Variants in SFXN3 observed in about 807,000 individuals in gnomAD.
The protein encoded by SFXN3 is sideroflexin 3, also known as sideroflexin-3.
In SFXN3, 31 loss-of-function variants were observed where a neutral mutation model predicts 40.4. The ratio of observed to expected loss-of-function variants is 0.77; its 90% confidence interval spans 0.58 to 1.04. SFXN3 has a LOEUF of 1.04. Among genes scored for constraint, SFXN3 ranks in the 50% least tolerant of loss-of-function variants. The pLI, the probability that SFXN3 is intolerant of heterozygous loss-of-function variation, is 0.00. For synonymous variants in SFXN3, 157 were observed against 160.0 expected, an observed-to-expected ratio of 0.98 and a Z score of 0.14; for missense variants, 366 against 408.2, an observed-to-expected ratio of 0.90 and a Z score of 0.89.
In SFXN3 at chr10:101,036,362, G is replaced by A. The variant is rs749636503; in HGVS notation, c.432-124G>A. Reference sequence around the variant, plus strand: ...AGTTTACGCCGGAGATGGAGGGAAGGCTTCTTCTGCAAGGAGCTTCCCCTT... The same window carrying A: ...AGTTTACGCCGGAGATGGAGGGAAGACTTCTTCTGCAAGGAGCTTCCCCTT... On this transcript the variant is annotated intron_variant, in intron 5 of 11. Coordinates refer to ENST00000393459, the Ensembl canonical transcript of SFXN3. This position sits in a 1 kb window ranked among gnomAD's most constrained non-coding sequence, Gnocchi z 4.2. 1 of 945,782 alleles carries A rather than the reference G, an allele frequency of 1.1e-6. No homozygotes were observed. The highest frequency in any genetic ancestry group is 1.6e-6 in the Non-Finnish European group (1 of 614,090). 58.6% of individuals were successfully genotyped at this position (945,782 alleles called of 1,614,324 possible). A position where few individuals can be genotyped will look rare whatever the true frequency, so the allele number is the denominator to read the frequency against.
exon 2 of SFXN3, chr10:101,032,409 C>T: frequency 4.2e-6 from 6 of 1,432,030 alleles, no homozygotes; most frequent in Non-Finnish European, 4.7e-6. Flanking sequence ...CGCGTGATGG[C>T]TGGGAGGGCC....
exon 2 of SFXN3, chr10:101,032,327 C>A: frequency 2.1e-6 from 2 of 932,786 alleles, no homozygotes; most frequent in Non-Finnish European, 1.5e-6. Flanking sequence ...CTGCCAATCC[C>A]CGTGCCCACC....
chr10:101,032,484 T>TA lies in SFXN3; in HGVS notation c.-4+4dup. On this transcript the variant is annotated splice_region_variant and intron_variant, in intron 2 of 11. Transcript: ENST00000393459. ...GAGCTTCAGAGAGCGATGGAAAGCG[T>TA]AAGTGCTCGCTCTCCCCGGCGGGCG... is the stretch of plus-strand genomic sequence containing the variant. 1 of 1,544,688 alleles carries TA rather than the reference T, an allele frequency of 6.5e-7. No individual in the cohort carries two copies. The highest frequency in any genetic ancestry group is 8.7e-7 in the Non-Finnish European group (1 of 1,145,790).
chr10:101,033,862 A>G, intron 2 of SFXN3, among the ~76,000 whole-genome samples: 1 of 152,110 alleles, frequency 6.6e-6, no homozygotes, highest in Non-Finnish European at 1.5e-5. Flanking sequence ...TGTGCATGTA[A>G]GCCAGATTTA....
chr10:101,031,709 C>T (rs375940058), intron 1 of SFXN3, among the ~76,000 whole-genome samples, 175 bp downstream of exon 1: 3 of 152,088 alleles, frequency 2.0e-5, no homozygotes, highest in African/African-American at 4.8e-5. Context: ...GGATGCAGAC[C>T]GCGAGGTTCC....
At chr10:101,032,627 G>A (rs1312649366) in intron 2 of SFXN3, 145 bp downstream of exon 2, 7 of 955,312 alleles carry the variant, frequency 7.3e-6, no homozygotes, top group South Asian at 2.1e-5. Flanking sequence ...AGGTTGGGGG[G>A]AGGAATGTCA....
At chr10:101,037,309 G>T in intron 8 of SFXN3, 73 bp from the exon 9 acceptor site, 1 of 1,613,928 alleles carries the variant, frequency 6.2e-7, no homozygotes, top group Non-Finnish European at 8.5e-7. Flanking sequence ...GCTTTGAGGG[G>T]GGTCACCCTT....
intron 4 of SFXN3, 123 bp from the exon 5 acceptor site, chr10:101,035,880 G>C: frequency 1.8e-6 from 2 of 1,138,940 alleles, no homozygotes; most frequent in South Asian, 2.6e-5. Context: ...TACCAGAACA[G>C]GTTCTAGGGC....
At chr10:101,031,310 C>G (rs1199326672) in exon 1 of SFXN3, 1 of 152,330 alleles carries the variant, frequency 6.6e-6, no homozygotes, top group Admixed American at 6.5e-5. Flanking sequence ...TTACCCACCC[C>G]AGTTCTGGTT....
chr10:101,032,788 G>A (rs907205449), intron 2 of SFXN3, among the ~76,000 whole-genome samples: 1 of 152,204 alleles, frequency 6.6e-6, no homozygotes, highest in Admixed American at 6.5e-5. Context: ...TTGTGTGTGG[G>A]TATGTGAGTG....
intron 2 of SFXN3, among the ~76,000 whole-genome samples, chr10:101,034,033 A>G (rs1482068239): frequency 6.6e-5 from 10 of 151,616 alleles, no homozygotes; most frequent in Non-Finnish European, 1.3e-4. Flanking sequence ...CCCAGGGGCA[A>G]GCAGGAGACA....
At chr10:101,037,769 G>A (rs1938693584) in intron 9 of SFXN3, 2 of 1,235,666 alleles carry the variant, frequency 1.6e-6, no homozygotes, top group Non-Finnish European at 2.0e-6. Context: ...GGTACACACG[G>A]GTGAACACGC....
At position 101,036,042 on chromosome 10, in the gene SFXN3, G is replaced by A; in HGVS notation, c.372G>A (p.Gln124=). Residue 124 remains glutamine (Q), a synonymous_variant, in exon 5 of 12, where the codon CAG becomes CAA. Coordinates refer to ENST00000393459, the Ensembl canonical transcript of SFXN3. This position sits in a 1 kb window ranked among gnomAD's most constrained non-coding sequence, Gnocchi z 4.2. ...TGGTGTTCTGGCAGTGGGTGAATCA[G>A]TCCTTCAATGCCATTGTTAACTACT... 1 of 1,614,106 alleles carries A rather than the reference G, an allele frequency of 6.2e-7. No homozygotes were observed. Among genetic ancestry groups the A allele is most frequent in the South Asian group, 1.1e-5 (1 of 91,074 alleles).
At position 101,032,407 on chromosome 10, in the gene SFXN3, G is replaced by A; in HGVS notation, c.-79G>A. 1.4e-6 allele frequency: 2 copies of A among 1,475,170 alleles called. No individual in the cohort carries two copies. The highest frequency in any genetic ancestry group is 1.3e-5 in the South Asian group (1 of 76,510). The allele number at this position is 1,475,170 out of a possible 1,614,324, so 91.4% of individuals were successfully genotyped here. A position where few individuals can be genotyped will look rare whatever the true frequency, so the allele number is the denominator to read the frequency against. ...CGTCACGCGTGACGTCCCGCGTGAT[G>A]GCTGGGAGGGCCCGGCGGCGACAGC... On this transcript the variant is annotated 5_prime_UTR_variant, in exon 2 of 12. The change abolishes an upstream ATG in the 5' untranslated region. Coordinates refer to ENST00000393459, the Ensembl canonical transcript of SFXN3.
At position 101,037,060 on chromosome 10, in the gene SFXN3, C is replaced by T; in HGVS notation, c.594-16C>T. ...TCCGGGGCCTGTGATCTGACCCCAA[C>T]CCCCCTCCCTTGCAGAGAGCTGCAG... is the stretch of plus-strand genomic sequence containing the variant. On this transcript the variant is annotated splice_polypyrimidine_tract_variant and intron_variant, in intron 7 of 11. Transcript: ENST00000393459. 6.2e-7 allele frequency: 1 copy of T among 1,612,940 alleles called. No individual in the cohort carries two copies.
chr10:101,037,226 G>A, intron 8 of SFXN3, 23 bp downstream of exon 8: 1 of 1,613,504 alleles, frequency 6.2e-7, no homozygotes, highest in Non-Finnish European at 8.5e-7. Flanking sequence ...TGGCTGGGTG[G>A]GGCATAGGAG....
chr10:101,035,854 G>A, intron 4 of SFXN3, 149 bp from the exon 5 acceptor site: 2 of 1,094,634 alleles, frequency 1.8e-6, no homozygotes, highest in Non-Finnish European at 2.7e-6. Context: ...AAATGGGGGT[G>A]GGGGTACATA....
In SFXN3 at chr10:101,036,190, C is replaced by A; in HGVS notation, c.431+89C>A. On this transcript the variant is annotated intron_variant, in intron 5 of 11. Transcript: ENST00000393459. The surrounding 1 kb of genome is among the most constrained non-coding windows in gnomAD (Gnocchi z 4.2). ...TGCCCTCTCCTTTCTCTCCGGTTCCCTGTGGACCATGCAGCCAGTGCTCAG... is the reference window on the plus strand; with the variant it reads ...TGCCCTCTCCTTTCTCTCCGGTTCCATGTGGACCATGCAGCCAGTGCTCAG... 1 of 1,153,050 alleles carries A rather than the reference C, an allele frequency of 8.7e-7. No individual in the cohort carries two copies. Among genetic ancestry groups the A allele is most frequent in the East Asian group, 2.4e-5 (1 of 42,062 alleles). The allele number at this position is 1,153,050 out of a possible 1,614,324, so 71.4% of individuals were successfully genotyped here. A position where few individuals can be genotyped will look rare whatever the true frequency, so the allele number is the denominator to read the frequency against.
chr10:101,039,939 TGCCA>T lies in SFXN3; in HGVS notation c.*360_*363del. 3.9e-6 allele frequency: 1 copy of T among 253,440 alleles called. No individual in the cohort carries two copies. The highest frequency in any genetic ancestry group is 7.8e-6 in the Non-Finnish European group (1 of 128,470). 15.7% of individuals were successfully genotyped at this position (253,440 alleles called of 1,614,324 possible). A position where few individuals can be genotyped will look rare whatever the true frequency, so the allele number is the denominator to read the frequency against. ...CTTCTCAGCCTCATGTCCACCTGCCTGCCAGCCAGGCTACAGGTGTGACTTCCTT... is the reference window on the plus strand; with the variant it reads ...CTTCTCAGCCTCATGTCCACCTGCCTGCCAGGCTACAGGTGTGACTTCCTT... On this transcript the variant is annotated 3_prime_UTR_variant, in exon 12 of 12. Transcript: ENST00000393459. This position sits in a 1 kb window ranked among gnomAD's most constrained non-coding sequence, Gnocchi z 4.6.
Sources: allele counts gnomAD v4.1 joint callset (sites outside exome capture counted in the v4.1 genomes callset), GRCh38; gene constraint gnomAD v4.1.1; non-coding constraint Gnocchi (gnomAD v3.1); transcripts MANE v1.5; gene names NCBI Gene and HGNC (gene_info 2026-07-23, HGNC 2026-07-21).